The following ADAM12 variants were observed in gnomAD, a reference collection of about 807,000 sequenced individuals.
ADAM12 encodes ADAM metallopeptidase domain 12.
Under a neutral mutation model 106.4 loss-of-function variants are expected in ADAM12, and 70 were observed. The ratio of observed to expected loss-of-function variants is 0.66; its 90% CI spans 0.54 to 0.80. The LOEUF is 0.80. ADAM12 is among the 30% of genes least tolerant of loss of function. The pLI is 0.00. For synonymous variants in ADAM12, 420 were observed against 433.5 expected (o/e 0.97, Z 0.39); for missense variants, 1,010 against 1,171.9 (o/e 0.86, Z 2.02).
At chr10:126,232,987 C>G (rs1261813783) in intron 3 of ADAM12, among the ~76,000 whole-genome samples, 1 of 151,894 alleles carries the variant, frequency 6.6e-6, no homozygotes, top group Non-Finnish European at 1.5e-5. Flanking sequence ...TGTGGCATCT[C>G]GATATGTTTC....
chr10:126,313,419 T>C (rs539174957), intron 2 of ADAM12, among the ~76,000 whole-genome samples: 2 of 152,336 alleles, frequency 1.3e-5, no homozygotes, highest in South Asian at 4.1e-4. Flanking sequence ...GGAAGCTGGC[T>C]ATCACAAAGC....
At chr10:126,336,135 G>T (rs1316993618) in intron 1 of ADAM12, among the ~76,000 whole-genome samples, 1 of 152,070 alleles carries the variant, frequency 6.6e-6, no homozygotes, top group Non-Finnish European at 1.5e-5. Flanking sequence ...TGCAAATATT[G>T]GTTTACTAAC....
In ADAM12 at chr10:126,330,396, A is replaced by G; in HGVS notation, c.186+16T>C. On this transcript the variant is annotated intron_variant, in intron 2 of 22. Transcript: ENST00000448723. ...GCTTCGGCAGTCTCAAAGCTGAGAA[A>G]AGGAGAGGAACTCACCTTGGAGTCG... is the stretch of plus-strand genomic sequence containing the variant. The G allele has an allele frequency of 6.2e-7, 1 of 1,601,936 alleles. No individual in the cohort carries two copies. The highest frequency in any genetic ancestry group is 8.5e-7 in the Non-Finnish European group (1 of 1,174,384).
At chr10:126,355,261 T>C (rs1261249047) in intron 1 of ADAM12, among the ~76,000 whole-genome samples, 1 of 152,174 alleles carries the variant, frequency 6.6e-6, no homozygotes, top group Non-Finnish European at 1.5e-5. Flanking sequence ...ATAAAAGGAA[T>C]AGTGTTGATT....
intron 3 of ADAM12, among the ~76,000 whole-genome samples, chr10:126,232,610 A>C (rs1958333926): frequency 6.6e-6 from 1 of 152,108 alleles, no homozygotes; most frequent in Non-Finnish European, 1.5e-5. Context: ...CTCCTTCTCA[A>C]CTGACACCTG....
intron 1 of ADAM12, among the ~76,000 whole-genome samples, chr10:126,362,693 G>C (rs1855781148): frequency 6.6e-6 from 1 of 152,142 alleles, no homozygotes; most frequent in African/African-American, 2.4e-5. Context: ...GGCACAGACA[G>C]ACAAATACTG....
At chr10:126,124,292 C>CT (rs763534062) in intron 5 of ADAM12, among the ~76,000 whole-genome samples, 114 of 142,172 alleles carry the variant, frequency 8.0e-4, no homozygotes, top group Middle Eastern at 3.6e-3. Context: ...TTAATTTCGG[C>CT]TTTTTTTTTT....
chr10:126,307,353 T>C (rs1019796220), intron 2 of ADAM12, among the ~76,000 whole-genome samples: 6 of 152,134 alleles, frequency 3.9e-5, no homozygotes, highest in South Asian at 2.1e-4. Flanking sequence ...CAGTCACAGT[T>C]TCCTGCCTGC....
intron 3 of ADAM12, among the ~76,000 whole-genome samples, chr10:126,204,231 C>T (rs2133824968): frequency 6.6e-6 from 1 of 152,326 alleles, no homozygotes; most frequent in South Asian, 2.1e-4. Context: ...GAAACATTTT[C>T]TTCCCTAACA....
In ADAM12 at chr10:126,101,099, T is replaced by A. The variant is rs1253661169; in HGVS notation, c.884A>T (p.Lys295Ile). 1 of 1,613,966 alleles carries A rather than the reference T, an allele frequency of 6.2e-7. No homozygotes were observed. The highest frequency in any genetic ancestry group is 8.5e-7 in the Non-Finnish European group (1 of 1,179,894). Residue 295 changes from lysine to isoleucine, a missense_variant, in exon 9 of 23, where the codon AAA (lysine) becomes ATA (isoleucine). Lys to Ile is a moderately radical substitution (Grantham distance 102). Around this residue, in one of 3 missense-constraint regions of ADAM12, gnomAD observed 391 missense variants for 442.9 expected, o/e 0.88. Coordinates refer to ENST00000448723, the MANE Select transcript of ADAM12 (RefSeq NM_001288973.2). ...DWRKMKLLPR[K>I]SHDNAQLVSG... ...GACAAGCTGCGCATTGTCATGGGAT[T>A]TGCGAGGTAGAAGCTTCATCTTCCT...
In ADAM12 at chr10:126,106,108, G is replaced by A. The variant is rs983141799; in HGVS notation, c.741+2485C>T. ...CGTCTACCTGCCCCTCCACTCCAACGAAACTGGCGGTCATGTGGTCTCCCA... is the reference window on the plus strand; with the variant it reads ...CGTCTACCTGCCCCTCCACTCCAACAAAACTGGCGGTCATGTGGTCTCCCA... On this transcript the variant is annotated intron_variant, in intron 8 of 22. Transcript: ENST00000448723. Among the ~76,000 whole-genome samples, 4 of 152,128 alleles carry A rather than the reference G, an allele frequency of 2.6e-5. No individual in the cohort carries two copies. In the South Asian group the frequency reaches 8.3e-4, roughly 32 times the overall value.
chr10:126,386,303 G>T (rs1406102525), intron 1 of ADAM12, among the ~76,000 whole-genome samples: 2 of 152,126 alleles, frequency 1.3e-5, no homozygotes, highest in Non-Finnish European at 2.9e-5. Flanking sequence ...ACAAGGCTAG[G>T]GAGAAACTCA....
chr10:126,044,455 A>T (rs1954261546), intron 17 of ADAM12, among the ~76,000 whole-genome samples: 1 of 152,180 alleles, frequency 6.6e-6, no homozygotes, highest in Non-Finnish European at 1.5e-5. Flanking sequence ...TTGAGTGTCT[A>T]AGGTTCCCTT....
At chr10:126,175,464 CAT>C (rs1200810386) in intron 3 of ADAM12, among the ~76,000 whole-genome samples, 2 of 128,502 alleles carry the variant, frequency 1.6e-5, no homozygotes, top group Non-Finnish European at 1.8e-5. Flanking sequence ...TTATTTTAAA[CAT>C]ATGTTTCTAA....
intron 5 of ADAM12, among the ~76,000 whole-genome samples, chr10:126,125,204 C>T (rs926547780): frequency 6.6e-6 from 1 of 151,668 alleles, no homozygotes; most frequent in Non-Finnish European, 1.5e-5. Flanking sequence ...CCCCCATGAG[C>T]CAGGCTCTCG....
In ADAM12 at chr10:126,255,039, C is replaced by T. The variant is rs189940044; in HGVS notation, c.260+23876G>A. On this transcript the variant is annotated intron_variant, in intron 3 of 22. Coordinates refer to ENST00000448723, the MANE Select transcript of ADAM12 (RefSeq NM_001288973.2). ...TTGGACAGGGGCCACCCTCGGAGCA[C>T]GGCTTTCCTGCACCCGAAGTGGGGT... Among the ~76,000 whole-genome samples the T allele has an allele frequency of 5.2e-4, 79 of 152,318 alleles. No homozygotes were observed. In the East Asian group the frequency reaches 6.0e-3, roughly 12 times the overall value.
chr10:126,065,110 G>A, intron 13 of ADAM12, 109 bp from the exon 14 acceptor site: 2 of 1,170,086 alleles, frequency 1.7e-6, no homozygotes, highest in South Asian at 1.6e-5. Context: ...CACATAAGGG[G>A]TGAGGATTTC....
intron 2 of ADAM12, among the ~76,000 whole-genome samples, chr10:126,308,101 T>C (rs11244945): frequency 0.2 from 29,952 of 152,000 alleles, 3,050 homozygotes; most frequent in Non-Finnish European, 0.22. Context: ...TAAGGCTCAG[T>C]CCAAGCCTTA....
At chr10:126,166,464 G>A (rs1957025152) in intron 3 of ADAM12, among the ~76,000 whole-genome samples, 1 of 152,084 alleles carries the variant, frequency 6.6e-6, no homozygotes, top group Non-Finnish European at 1.5e-5. Context: ...CTTGGATGAG[G>A]ACTTACATAC....
Sources: gnomAD v4.1 joint callset for allele counts (sites outside exome capture counted in the v4.1 genomes callset) on GRCh38, gnomAD v4.1.1 for gene constraint, gnomAD v4.1.1 regional missense constraint, MANE v1.5 for transcripts, NCBI Gene and HGNC (gene_info 2026-07-23, HGNC 2026-07-21) for gene names.